RAD51B: variants seen among roughly 807,000 people sequenced by gnomAD.
The protein encoded by RAD51B is DNA repair protein RAD51 homolog 2.
A neutral mutation model predicts 42.2 loss-of-function variants in RAD51B; 38 were observed. The ratio of observed to expected loss-of-function variants is 0.90; its 90% CI spans 0.70 to 1.18. The LOEUF (loss-of-function observed/expected upper bound fraction) is 1.18, where lower values mean the gene tolerates loss of function less well. Ranked by LOEUF, RAD51B falls within the 50% of genes most tolerant of loss-of-function variation. The probability of loss-of-function intolerance (pLI) is 0.00; values close to 1 mark genes in which losing one functional copy is unlikely to be tolerated. For synonymous variants in RAD51B, 154 were observed against 145.2 expected (o/e 1.06, Z -0.43); for missense variants, 373 against 400.7 (o/e 0.93, Z 0.59).
At chr14:68,430,258 A>G (rs1213277519) in intron 9 of RAD51B, among the ~76,000 whole-genome samples, 5 of 152,128 alleles carry the variant, frequency 3.3e-5, no homozygotes, top group African/African-American at 4.8e-5. Flanking sequence ...TATGAACTGT[A>G]AAGTAGTTTT....
intron 7 of RAD51B, among the ~76,000 whole-genome samples, chr14:67,925,379 T>C (rs1267740503): frequency 6.6e-6 from 1 of 152,006 alleles, no homozygotes. Flanking sequence ...TTCAAGCAAT[T>C]CTCCTGCCTC....
rs184833701 is a variant in RAD51B, at chr14:68,183,269, G to A, written c.757-108615G>A. 2.0e-5 allele frequency among the ~76,000 whole-genome samples: 3 copies of A among 152,292 alleles called. No homozygotes were observed. In the East Asian group the frequency reaches 5.8e-4, roughly 29 times the overall value. The stretch of plus-strand genomic sequence containing the variant: ...TCAGTCTGTGTCCAAAGGCCCAAGA[G>A]CCCCTGGCAAATCACTGGTGTAAGT... On this transcript the variant is annotated intron_variant, in intron 7 of 10. Transcript: ENST00000471583.
intron 7 of RAD51B, among the ~76,000 whole-genome samples, chr14:68,200,966 T>C (rs987151149): frequency 3.3e-5 from 5 of 152,182 alleles, no homozygotes; most frequent in African/African-American, 1.2e-4. Flanking sequence ...CATGGTTTTT[T>C]CTATAATTGT....
At chr14:68,478,491 G>A (rs898271737), downstream of RAD51B, among the ~76,000 whole-genome samples, 1 of 152,166 alleles carries the variant, frequency 6.6e-6, no homozygotes, top group Admixed American at 6.5e-5. Flanking sequence ...TAATTTAGTC[G>A]TTTCCAGTAG....
At chr14:68,308,178 G>A (rs914964929) in intron 8 of RAD51B, among the ~76,000 whole-genome samples, 3 of 151,994 alleles carry the variant, frequency 2.0e-5, no homozygotes, top group African/African-American at 4.8e-5. Context: ...AGTATTTTTT[G>A]CCCTGAAGGA....
At chr14:68,091,428 T>G (rs1048065491) in intron 7 of RAD51B, among the ~76,000 whole-genome samples, 2 of 152,248 alleles carry the variant, frequency 1.3e-5, no homozygotes, top group African/African-American at 4.8e-5. Flanking sequence ...ATTGTGGTTT[T>G]GATTTGTATT....
chr14:68,603,819 G>GT (rs1207121122), intron 10 of RAD51B, among the ~76,000 whole-genome samples: 1 of 152,226 alleles, frequency 6.6e-6, no homozygotes, highest in African/African-American at 2.4e-5. Context: ...ATCCAGCCCT[G>GT]CGGCCGCGCT....
intron 10 of RAD51B, among the ~76,000 whole-genome samples, chr14:68,578,251 C>A (rs992667047): frequency 6.6e-6 from 1 of 151,968 alleles, no homozygotes; most frequent in African/African-American, 2.4e-5. Flanking sequence ...CATGGTGAAA[C>A]CCCTTTTCTA....
At chr14:67,940,553 C>T (rs931763730) in intron 7 of RAD51B, among the ~76,000 whole-genome samples, 1 of 152,094 alleles carries the variant, frequency 6.6e-6, no homozygotes, top group African/African-American at 2.4e-5. Flanking sequence ...TTGCCTGACT[C>T]TCCTGTTTGT....
intron 7 of RAD51B, among the ~76,000 whole-genome samples, chr14:68,283,849 G>C (rs968334676): frequency 6.6e-6 from 1 of 152,244 alleles, no homozygotes; most frequent in African/African-American, 2.4e-5. Flanking sequence ...AGGCCAAAGA[G>C]AAAGCTGCCT....
chr14:68,406,063 A>C (rs981291813), intron 8 of RAD51B, among the ~76,000 whole-genome samples: 21 of 152,210 alleles, frequency 1.4e-4, no homozygotes, highest in Non-Finnish European at 2.8e-4. Context: ...ATACAATATG[A>C]TTCAAAATTT....
chr14:68,461,396 T>C (rs1168529119), intron 9 of RAD51B, among the ~76,000 whole-genome samples: 1 of 151,568 alleles, frequency 6.6e-6, no homozygotes, highest in Non-Finnish European at 1.5e-5. Context: ...ATTTAATGTA[T>C]TATCCCAGAA....
At chr14:68,151,198 A>AT (rs536485327) in intron 7 of RAD51B, among the ~76,000 whole-genome samples, 4 of 150,904 alleles carry the variant, frequency 2.7e-5, no homozygotes, top group East Asian at 1.9e-4. Flanking sequence ...AGATTGATAG[A>AT]TTTTTTTCTT....
intron 7 of RAD51B, among the ~76,000 whole-genome samples, chr14:67,957,171 C>T (rs1282776539): frequency 6.6e-6 from 1 of 152,186 alleles, no homozygotes; most frequent in Non-Finnish European, 1.5e-5. Flanking sequence ...AGGAAAAGTA[C>T]AGAAGCAACA....
chr14:68,417,755 T>A (rs188834557), intron 9 of RAD51B, among the ~76,000 whole-genome samples: 1 of 152,362 alleles, frequency 6.6e-6, no homozygotes, highest in Admixed American at 6.5e-5. Context: ...AGAATACCTG[T>A]ATCTTTCCTA....
chr14:68,640,998 C>G (rs1210450634), intron 10 of RAD51B, among the ~76,000 whole-genome samples: 1 of 152,110 alleles, frequency 6.6e-6, no homozygotes, highest in East Asian at 1.9e-4. Flanking sequence ...ATGGTCTTTA[C>G]CCTGTGGGCA....
intron 7 of RAD51B, among the ~76,000 whole-genome samples, chr14:68,261,979 A>T (rs2080899870): frequency 6.6e-6 from 1 of 151,252 alleles, no homozygotes; most frequent in South Asian, 2.1e-4. Flanking sequence ...GACTGTTTGT[A>T]CTAGTAAATG....
At chr14:68,487,129 C>A (rs1230684236) in intron 10 of RAD51B, among the ~76,000 whole-genome samples, 2 of 152,230 alleles carry the variant, frequency 1.3e-5, no homozygotes, top group African/African-American at 2.4e-5. Flanking sequence ...AAGAATACCA[C>A]AAACTGCATG....
intron 10 of RAD51B, among the ~76,000 whole-genome samples, chr14:68,494,555 GC>G (rs1363018275): frequency 1.3e-5 from 2 of 152,142 alleles, no homozygotes; most frequent in Non-Finnish European, 2.9e-5. Context: ...CATCAGTGAG[GC>G]GTCAGTCTAG....
Sources: gnomAD v4.1 joint callset for allele counts (sites outside exome capture counted in the v4.1 genomes callset) on GRCh38, gnomAD v4.1.1 for gene constraint, MANE v1.5 for transcripts, NCBI Gene and HGNC (gene_info 2026-07-23, HGNC 2026-07-21) for gene names.